DENND6B: variants seen among roughly 807,000 people sequenced by gnomAD.
DENND6B encodes the protein protein DENND6B.
DENND6B carries 73 observed loss-of-function variants against 85.1 expected under a neutral mutation model. The observed-to-expected ratio is 0.86, with a 90% confidence interval of 0.71 to 1.04. The LOEUF (loss-of-function observed/expected upper bound fraction) is 1.04. Among genes scored for constraint, DENND6B ranks in the 50% least tolerant of loss-of-function variants. The pLI, the probability that DENND6B is intolerant of heterozygous loss-of-function variation, is 0.00. For missense variants in DENND6B, 715 were observed against 785.8 expected, an observed-to-expected ratio of 0.91 and a Z score of 1.08; for synonymous variants, 357 against 329.3, an observed-to-expected ratio of 1.08 and a Z score of -0.91.
chr22:50,318,330 G>A (rs967336370), intron 3 of DENND6B, among the ~76,000 whole-genome samples: 2 of 152,154 alleles, frequency 1.3e-5, no homozygotes, highest in Non-Finnish European at 2.9e-5. Flanking sequence ...GTGACGGAGT[G>A]AGACTCCGTT....
At chr22:50,314,756 C>T (rs750931660) in intron 10 of DENND6B, 43 bp downstream of exon 10, 23 of 1,579,282 alleles carry the variant, frequency 1.5e-5, no homozygotes, top group Middle Eastern at 3.3e-4. Context: ...GGCACAGCCG[C>T]GATGGTCCAG....
rs576510022 is a variant in DENND6B at position 50,316,249 on chromosome 22, G to A, written c.564C>T (p.Cys188=). 278 of 1,602,972 alleles carry A rather than the reference G, an allele frequency of 1.7e-4. 2 individuals carry two copies. The South Asian group carries it at 2.9e-3, about 17-fold the overall frequency. ...GCGCCGGCCACTGGTCGATCTCACT[G>A]CACACTGCGGATGCAGTAGCCCGCA... ...DKLAPCLEAV[C]SEIDQWPAPA... The change falls in exon 7 of 20, where the codon TGC becomes TGT. Residue 188 remains cysteine (C), a synonymous_variant. Transcript: ENST00000413817.
rs2068063310 is a variant in DENND6B at position 50,311,753 on chromosome 22, G to A, written c.*386C>T. 8.4e-6 allele frequency: 2 copies of A among 237,234 alleles called. No homozygotes were observed. The highest frequency in any genetic ancestry group is 1.7e-5 in the Non-Finnish European group (2 of 120,584). The allele number at this position is 237,234 out of a possible 1,614,324, so 14.7% of individuals were successfully genotyped here. A position where few individuals can be genotyped will look rare whatever the true frequency, so the allele number is the denominator to read the frequency against. On this transcript the variant is annotated 3_prime_UTR_variant, in exon 20 of 20. Coordinates refer to ENST00000413817, the MANE Select transcript of DENND6B (RefSeq NM_001001794.4). ...GGGTCCCTCCTGTCCTGGGCAGCCT[G>A]TTGGGCTGAGGGAAGCATCACACAC...
At chr22:50,317,136 G>C in intron 5 of DENND6B, 157 bp downstream of exon 5, 1 of 677,548 alleles carries the variant, frequency 1.5e-6, no homozygotes, top group East Asian at 3.0e-5. Context: ...GACAGGGTGG[G>C]GGGGCGGCAA....
chr22:50,326,748 CG>C, intron 1 of DENND6B, 63 bp downstream of exon 1: 1 of 1,281,590 alleles, frequency 7.8e-7, no homozygotes, highest in East Asian at 3.3e-5. Context: ...CCAAGCGAGG[CG>C]GGACTGGCCC....
chr22:50,309,445 A>T lies in DENND6B; in HGVS notation c.*2694T>A, dbSNP rs2068032264. The T allele has an allele frequency of 6.6e-6, 1 of 152,416 alleles. No homozygotes were observed. The highest frequency in any genetic ancestry group is 6.5e-5 in the Admixed American group (1 of 15,292). The allele number at this position is 152,416 out of a possible 1,614,324, so 9.4% of individuals were successfully genotyped here. A position where few individuals can be genotyped will look rare whatever the true frequency, so the allele number is the denominator to read the frequency against. The stretch of plus-strand genomic sequence containing the variant: ...CCCTGGACAGAGGCTCAGCCAACTC[A>T]GAGCGGCCCTGACACTGGGGGGGCC... On this transcript the variant is annotated 3_prime_UTR_variant, in exon 20 of 20. Transcript: ENST00000413817.
chr22:50,326,425 C>A (rs140933791), intron 1 of DENND6B, among the ~76,000 whole-genome samples: 56,205 of 152,032 alleles, frequency 0.37, 10,540 homozygotes, highest in South Asian at 0.59. Flanking sequence ...GAGCCGTCAG[C>A]CTCGCCTATG....
intron 3 of DENND6B, among the ~76,000 whole-genome samples, chr22:50,318,580 C>A (rs1357085494): frequency 6.6e-6 from 1 of 152,206 alleles, no homozygotes; most frequent in Non-Finnish European, 1.5e-5. Flanking sequence ...GGCCCAGCCC[C>A]TGGCGGCCAC....
chr22:50,318,832 G>A lies in DENND6B; in HGVS notation c.259+15C>T, dbSNP rs755502624. ...TGGCTTCATGTCCAGCCCCAGGAAA[G>A]GTGGGGTTGCCTACCTGAGTGCGAG... On this transcript the variant is annotated intron_variant, in intron 3 of 19. Coordinates refer to ENST00000413817, the MANE Select transcript of DENND6B (RefSeq NM_001001794.4). 6.2e-7 allele frequency: 1 copy of A among 1,612,926 alleles called. No individual in the cohort carries two copies. The highest frequency in any genetic ancestry group is 1.1e-5 in the South Asian group (1 of 90,928).
In DENND6B at chr22:50,310,114, A is replaced by G. The variant is rs1253841429; in HGVS notation, c.*2025T>C. 6.6e-6 allele frequency: 1 copy of G among 152,248 alleles called. No homozygotes were observed. Among genetic ancestry groups the G allele is most frequent in the Non-Finnish European group, 1.5e-5 (1 of 68,052 alleles). 9.4% of individuals were successfully genotyped at this position (152,248 alleles called of 1,614,324 possible). On this transcript the variant is annotated 3_prime_UTR_variant, in exon 20 of 20. Transcript: ENST00000413817. ...AGGTCAGCATTCAAGCTGCCCACAC[A>G]AGAGGTGCCAGCATCTCTGCAGACC...
Position 50,313,678 on chromosome 22 carries a change from C to T in DENND6B, c.1250G>A (p.Arg417Gln), listed in dbSNP as rs201791970. 55 of 1,599,268 alleles carry T rather than the reference C, an allele frequency of 3.4e-5. No individual in the cohort carries two copies. Among genetic ancestry groups the T allele is most frequent in the African/African-American group, 2.3e-4 (17 of 74,638 alleles). Residue 417 changes from arginine (R) to glutamine (Q), a missense_variant, in exon 15 of 20, where the codon CGG (arginine) becomes CAG (glutamine). By Grantham distance (43) the Arg-to-Gln change is conservative. Coordinates refer to ENST00000413817, the MANE Select transcript of DENND6B (RefSeq NM_001001794.4). ...CTGGGTGAGCTCCAGGAGGTGCCGC[C>T]GCAGCAGGGCGCTCTGCACATCTGA... ...RPSDVQSALL[R>Q]RHLLELTQSF...
At chr22:50,325,334 CTTT>C (rs67536916) in intron 1 of DENND6B, among the ~76,000 whole-genome samples, 5 of 123,714 alleles carry the variant, frequency 4.0e-5, no homozygotes, top group African/African-American at 3.4e-5. Context: ...GAGGAACCTC[CTTT>C]TTTTTTTTTT....
In DENND6B at chr22:50,315,730, C is replaced by T. The variant is rs201311174; in HGVS notation, c.742G>A (p.Glu248Lys). Residue 248 changes from glutamate (E) to lysine (K), a missense_variant, in exon 9 of 20, where the codon GAG (glutamate) becomes AAG (lysine). Transcript: ENST00000413817. ...GGGGCTCACCTGAACAGGTCCAGCT[C>T]GTGGACGCTAGCAAGAACCACTGGG... ...PAPVVLASVH[E>K]LDLFRCFRPV... 1.2e-5 allele frequency: 19 copies of T among 1,559,940 alleles called. No homozygotes were observed. The highest frequency in any genetic ancestry group is 3.4e-4 in the Middle Eastern group (2 of 5,826).
chr22:50,319,253 T>G, intron 1 of DENND6B: 1 of 985,346 alleles, frequency 1.0e-6, no homozygotes, highest in Non-Finnish European at 1.2e-6. Context: ...GGCTGTGATG[T>G]CTGGCTCCTT....
rs1276561127 is a variant in DENND6B at position 50,316,013 on chromosome 22, C to T, written c.702+12G>A. ...CCAGCTGTTTCAGCTCCACCTCCGC[C>T]TCAGCTCCCACCTCTTGGTCAAACT... On this transcript the variant is annotated intron_variant, in intron 8 of 19. Coordinates refer to ENST00000413817, the MANE Select transcript of DENND6B (RefSeq NM_001001794.4). 1.2e-6 allele frequency: 2 copies of T among 1,612,508 alleles called. No individual in the cohort carries two copies. The highest frequency in any genetic ancestry group is 1.7e-6 in the Non-Finnish European group (2 of 1,179,798).
Position 50,312,168 on chromosome 22 carries a change from C to T in DENND6B, c.1729G>A (p.Asp577Asn). Residue 577 changes from aspartate to asparagine, a missense_variant, in exon 20 of 20, where the codon GAC becomes AAC. Physicochemically the swap from Asp to Asn is conservative, Grantham distance 23. Coordinates refer to ENST00000413817, the MANE Select transcript of DENND6B (RefSeq NM_001001794.4). Reference protein sequence around the residue: ...IETVIGSLPKDLQAVLCPP With the variant: ...IETVIGSLPKNLQAVLCPP ...GGAGGGCACAAGACAGCCTGCAGGT[C>T]TTTGGGCAGGGAGCCGATGACCGTC... The T allele has an allele frequency of 6.2e-7, 1 of 1,612,514 alleles. No individual in the cohort carries two copies. The highest frequency in any genetic ancestry group is 8.5e-7 in the Non-Finnish European group (1 of 1,179,762).
At chr22:50,314,722 A>G in intron 10 of DENND6B, 22 bp from the exon 11 acceptor site, 2 of 1,569,500 alleles carry the variant, frequency 1.3e-6, no homozygotes, top group East Asian at 2.4e-5. Flanking sequence ...GGCAGCAGGG[A>G]GCAGGTGAGG....
Position 50,312,069 on chromosome 22 carries a change from G to A in DENND6B, c.*70C>T. ...AAGGGGAGCGTGTGCTTGGCCCAGT[G>A]CCGCCACCACTGGGGAGTGGGAGGC... On this transcript the variant is annotated 3_prime_UTR_variant, in exon 20 of 20. Transcript: ENST00000413817. The A allele has an allele frequency of 6.4e-7, 1 of 1,572,408 alleles. No homozygotes were observed. Among genetic ancestry groups the A allele is most frequent in the Non-Finnish European group, 8.6e-7 (1 of 1,159,112 alleles).
rs767569849 is a variant in DENND6B, at chr22:50,313,019, G to A, written c.1437C>T (p.Gly479=). The change falls in exon 17 of 20, where the codon GGC becomes GGT. Residue 479 remains glycine (G), a synonymous_variant. Coordinates refer to ENST00000413817, the MANE Select transcript of DENND6B (RefSeq NM_001001794.4). ...CGCACCTGTAGAGACCCAGCCAGTC[G>A]CCCTTGAGGATGCAGGTGAGCTGGG... is the stretch of plus-strand genomic sequence containing the variant. ...AGPQLTCILK[G]DWLGLYRRFF... The A allele has an allele frequency of 2.7e-5, 42 of 1,559,982 alleles. No individual in the cohort carries two copies. Among genetic ancestry groups the A allele is most frequent in the African/African-American group, 4.1e-5 (3 of 73,370 alleles).
Sources: gnomAD v4.1 joint callset for allele counts (sites outside exome capture counted in the v4.1 genomes callset) on GRCh38, gnomAD v4.1.1 for gene constraint, MANE v1.5 for transcripts, NCBI Gene and HGNC (gene_info 2026-07-23, HGNC 2026-07-21) for gene names.